The following TXNRD2 variants were observed in gnomAD, a reference collection of about 807,000 sequenced individuals.
TXNRD2 encodes the protein thioredoxin reductase 2, mitochondrial.
A neutral mutation model predicts 70.8 loss-of-function variants in TXNRD2; 67 were observed. The ratio of observed to expected loss-of-function variants is 0.95; its 90% CI spans 0.78 to 1.16. TXNRD2 has a LOEUF of 1.16. TXNRD2 is among the 50% of genes most tolerant of loss of function. The pLI is 0.00. For synonymous variants in TXNRD2, 301 were observed against 295.8 expected (o/e 1.02, Z -0.18); for missense variants, 644 against 719.9 (o/e 0.89, Z 1.21).
At chr22:19,903,434 T>C (rs950418552) in intron 8 of TXNRD2, among the ~76,000 whole-genome samples, 2 of 152,100 alleles carry the variant, frequency 1.3e-5, no homozygotes, top group African/African-American at 4.8e-5. Context: ...ATTCCCTATA[T>C]TGGGGTTAGG....
intron 2 of TXNRD2, among the ~76,000 whole-genome samples, chr22:19,925,263 G>A (rs113948634): frequency 0.029 from 4,459 of 151,796 alleles, 329 homozygotes; most frequent in African/African-American, 0.1. Flanking sequence ...CAGCCTGGGC[G>A]ACAGAGCAAG....
intron 2 of TXNRD2, among the ~76,000 whole-genome samples, chr22:19,925,092 G>C (rs748976835): frequency 6.7e-6 from 1 of 149,758 alleles, no homozygotes; most frequent in South Asian, 2.1e-4. Context: ...AGACCATCCT[G>C]GCTAACACGG....
In TXNRD2 at chr22:19,906,822, C is replaced by T. The variant is rs192235898; in HGVS notation, c.662+4555G>A. 3.4e-3 allele frequency among the ~76,000 whole-genome samples: 498 copies of T among 148,630 alleles called. 5 individuals are homozygous for T. Among genetic ancestry groups the T allele is most frequent in the Non-Finnish European group, 4.1e-3 (274 of 66,846 alleles). On this transcript the variant is annotated intron_variant, in intron 8 of 17. Transcript: ENST00000400521. ...CAGCACAGTCTCAGGAGAGTGTGGGCGCCGTGGGTAGCAGTGACCACTCTC... is the reference window on the plus strand; with the variant it reads ...CAGCACAGTCTCAGGAGAGTGTGGGTGCCGTGGGTAGCAGTGACCACTCTC...
chr22:19,903,142 G>A, intron 8 of TXNRD2: 1 of 456,200 alleles, frequency 2.2e-6, no homozygotes. Flanking sequence ...CCAGTGTGTG[G>A]GCTGGTCAGC....
In TXNRD2 at chr22:19,941,705, TGCGCCCCGCGCC is replaced by T. The variant is rs766448975; in HGVS notation, c.87_98del (p.Arg31_Ala34del). On this transcript the variant is annotated inframe_deletion, in exon 1 of 18. Coordinates refer to ENST00000400521, the MANE Select transcript of TXNRD2 (RefSeq NM_006440.5). ...GACGCCCCGACCCCATCCTACCTGC[TGCGCCCCGCGCC>T]GCGCCCCGCACCCCGCCCGCCACGG... 84 of 1,483,316 alleles carry T rather than the reference TGCGCCCCGCGCC, an allele frequency of 5.7e-5. No homozygotes were observed. Among genetic ancestry groups the T allele is most frequent in the African/African-American group, 4.5e-4 (31 of 68,210 alleles). The allele number at this position is 1,483,316 out of a possible 1,614,324, so 91.9% of individuals were successfully genotyped here.
intron 7 of TXNRD2, 94 bp from the exon 8 acceptor site, chr22:19,911,541 G>A: frequency 1.0e-6 from 1 of 970,596 alleles, no homozygotes; most frequent in Non-Finnish European, 1.7e-6. Flanking sequence ...GAATCAAGCA[G>A]AGCTTTCCCA....
chr22:19,917,662 A>G (rs1940697908), intron 5 of TXNRD2, among the ~76,000 whole-genome samples: 1 of 152,182 alleles, frequency 6.6e-6, no homozygotes, highest in African/African-American at 2.4e-5. Flanking sequence ...CCAGGGGCTG[A>G]CAGGAACGGT....
intron 13 of TXNRD2, 120 bp downstream of exon 13, chr22:19,880,502 C>T: frequency 2.1e-6 from 2 of 958,426 alleles, no homozygotes; most frequent in Non-Finnish European, 3.3e-6. Flanking sequence ...TAAGCGCACA[C>T]ACACGCATGC....
At chr22:19,896,659 C>A (rs573644013) in intron 10 of TXNRD2, among the ~76,000 whole-genome samples, 6 of 152,236 alleles carry the variant, frequency 3.9e-5, no homozygotes, top group African/African-American at 1.4e-4. Flanking sequence ...CAGATGGGGG[C>A]CCTGTTCCCA....
intron 4 of TXNRD2, 77 bp downstream of exon 4, chr22:19,918,783 C>A (rs3747067): frequency 1.3e-6 from 2 of 1,572,998 alleles, no homozygotes; most frequent in Non-Finnish European, 1.7e-6. Context: ...GAGGGCTCAT[C>A]GAGGATAAGC....
intron 2 of TXNRD2, among the ~76,000 whole-genome samples, chr22:19,927,313 T>C (rs997321125): frequency 9.2e-5 from 14 of 151,638 alleles, no homozygotes; most frequent in African/African-American, 3.4e-4. Context: ...ATATATATTA[T>C]CTCTCCATAT....
intron 14 of TXNRD2, among the ~76,000 whole-genome samples, chr22:19,879,882 C>T (rs1938682812): frequency 6.6e-6 from 1 of 152,144 alleles, no homozygotes; most frequent in African/African-American, 2.4e-5. Flanking sequence ...GCTTCTGGGC[C>T]ACAGGGCTTC....
intron 11 of TXNRD2, among the ~76,000 whole-genome samples, chr22:19,884,796 C>T (rs1480062373): frequency 6.6e-6 from 1 of 152,162 alleles, no homozygotes; most frequent in Non-Finnish European, 1.5e-5. Context: ...AGAAAGCAAG[C>T]CCCCGTAACC....
In TXNRD2 at chr22:19,925,889, G is replaced by A. The variant is rs148314318; in HGVS notation, c.172+5141C>T. On this transcript the variant is annotated intron_variant, in intron 2 of 17. Transcript: ENST00000400521. ...GATACCATCAAGAAAGTGCAGGGCC[G>A]GGCATGGTGGCTCACGCCTGTAATC... Among the ~76,000 whole-genome samples the A allele has an allele frequency of 1.3e-3, 199 of 148,934 alleles. 6 individuals are homozygous for A. Among genetic ancestry groups the A allele is most frequent in the African/African-American group, 4.6e-3 (183 of 39,834 alleles).
rs1569098831 is a variant in TXNRD2, at chr22:19,915,621, T to C, written c.528+144A>G. The C allele has an allele frequency of 3.1e-5, 24 of 768,204 alleles. No individual in the cohort carries two copies. The South Asian group carries it at 3.7e-4, about 12-fold the overall frequency. The allele number at this position is 768,204 out of a possible 1,614,324, so 47.6% of individuals were successfully genotyped here. On this transcript the variant is annotated intron_variant, in intron 6 of 17. Transcript: ENST00000400521. The stretch of plus-strand genomic sequence containing the variant: ...ATTATTTGATCACGTTAAAGACAAG[T>C]GCCCAGCCTCAAAAGAAGCCACCTT...
At chr22:19,920,404 G>C (rs11089319) in intron 2 of TXNRD2, among the ~76,000 whole-genome samples, 1 of 151,894 alleles carries the variant, frequency 6.6e-6, no homozygotes, top group Non-Finnish European at 1.5e-5. Context: ...ATGGTAAAAC[G>C]TGTCTCCACT....
intron 1 of TXNRD2, chr22:19,932,322 G>A: frequency 1.9e-6 from 3 of 1,612,508 alleles, no homozygotes; most frequent in Non-Finnish European, 1.7e-6. Flanking sequence ...TTCATCCCTG[G>A]AATTCCTTTT....
At position 19,898,596 on chromosome 22, in the gene TXNRD2, C is replaced by T. The variant is rs114313762; in HGVS notation, c.682+453G>A. On this transcript the variant is annotated intron_variant, in intron 9 of 17. Coordinates refer to ENST00000400521, the MANE Select transcript of TXNRD2 (RefSeq NM_006440.5). ...GTGGCATGATCTCAGCTCACAGCAA[C>T]GTCTGCCTCCCAGGTTCAAGCGGTT... is the stretch of plus-strand genomic sequence containing the variant. Among the ~76,000 whole-genome samples, 637 of 145,478 alleles carry T rather than the reference C, an allele frequency of 4.4e-3. 3 individuals carry two copies. The highest frequency in any genetic ancestry group is 0.014 in the African/African-American group (552 of 38,954).
intron 4 of TXNRD2, among the ~76,000 whole-genome samples, chr22:19,918,449 G>A (rs1480324663): frequency 6.6e-6 from 1 of 152,232 alleles, no homozygotes; most frequent in East Asian, 1.9e-4. Flanking sequence ...CGGCTCTCCA[G>A]ATGCAGCTGC....
Sources: allele counts gnomAD v4.1 joint callset (sites outside exome capture counted in the v4.1 genomes callset), GRCh38; gene constraint gnomAD v4.1.1; transcripts MANE v1.5; gene names NCBI Gene and HGNC (gene_info 2026-07-23, HGNC 2026-07-21).